The following LINGO2 variants were observed in gnomAD, a reference collection of about 807,000 sequenced individuals.
LINGO2 encodes leucine-rich repeat and immunoglobulin-like domain-containing nogo receptor-interacting protein 2.
A neutral mutation model predicts 30.6 loss-of-function variants in LINGO2; 14 were observed. That is an observed-to-expected ratio of 0.46 (90% CI 0.30 to 0.72). LINGO2 has a LOEUF of 0.72. LINGO2 is among the 30% of genes least tolerant of loss of function. The pLI is 0.07. For synonymous variants in LINGO2, 317 were observed against 288.5 expected (o/e 1.10, Z -1.00); for missense variants, 729 against 751.7 (o/e 0.97, Z 0.35).
the LINGO2 span, among the ~76,000 whole-genome samples, chr9:28,813,826 A>T: frequency 6.6e-6 from 1 of 152,234 alleles, no homozygotes; most frequent in Non-Finnish European, 1.5e-5. Flanking sequence ...GGATCTAGCC[A>T]TGCAAAGGGT....
At chr9:27,950,743 G>A in intron 5 of LINGO2, 37 bp from the exon 7 acceptor site, 1 of 1,259,360 alleles carries the variant, frequency 7.9e-7, no homozygotes, top group Non-Finnish European at 1.1e-6. Context: ...GGAAGAGAAG[G>A]TGAGTTAGGA....
At chr9:28,856,692 A>G in the LINGO2 span, among the ~76,000 whole-genome samples, 20 of 152,036 alleles carry the variant, frequency 1.3e-4, no homozygotes, top group Non-Finnish European at 2.1e-4. Context: ...AGGTCACATA[A>G]AAGATTTTGG....
chr9:28,936,539 T>G, the LINGO2 span, among the ~76,000 whole-genome samples: 2 of 152,338 alleles, frequency 1.3e-5, no homozygotes, highest in East Asian at 3.9e-4. Context: ...AAGCTCTTTG[T>G]GGAGAGTCAC....
At chr9:28,714,671 C>T in the LINGO2 span, among the ~76,000 whole-genome samples, 2,687 of 152,218 alleles carry the variant, frequency 0.018, 46 homozygotes, top group Non-Finnish European at 0.024. Context: ...TCTATTACAA[C>T]AGCTAGCGTT....
At chr9:29,020,291 C>T in the LINGO2 span, among the ~76,000 whole-genome samples, 7 of 152,244 alleles carry the variant, frequency 4.6e-5, no homozygotes, top group Non-Finnish European at 7.4e-5. Flanking sequence ...AAACCAAACA[C>T]GATATACCAC....
At chr9:28,406,309 G>A (rs1408266188) in intron 2 of LINGO2, among the ~76,000 whole-genome samples, 1 of 131,298 alleles carries the variant, frequency 7.6e-6, no homozygotes, top group Non-Finnish European at 1.6e-5. Context: ...GGTGGTGTAC[G>A]CCTGTAGTTT....
chr9:28,557,063 T>A (rs1450126830), intron 1 of LINGO2, among the ~76,000 whole-genome samples: 2 of 151,836 alleles, frequency 1.3e-5, no homozygotes, highest in African/African-American at 4.8e-5. Flanking sequence ...AACCTAGGCA[T>A]TACCATTCAG....
intron 1 of LINGO2, among the ~76,000 whole-genome samples, chr9:28,499,365 G>C (rs1302968651): frequency 1.3e-5 from 2 of 152,142 alleles, no homozygotes; most frequent in Non-Finnish European, 2.9e-5. Flanking sequence ...GAATAGACCT[G>C]ATAAAGTCTT....
chr9:28,905,161 A>C, the LINGO2 span, among the ~76,000 whole-genome samples: 1 of 152,092 alleles, frequency 6.6e-6, no homozygotes, highest in African/African-American at 2.4e-5. Context: ...TAAGATCTTA[A>C]ATATAAAACT....
the LINGO2 span, among the ~76,000 whole-genome samples, chr9:29,021,746 A>C: frequency 2.7e-4 from 40 of 149,996 alleles, no homozygotes; most frequent in African/African-American, 9.1e-4. Context: ...GGAAGGAAGG[A>C]AAGCATTGAC....
At chr9:28,848,342 G>A in the LINGO2 span, among the ~76,000 whole-genome samples, 3 of 104,760 alleles carry the variant, frequency 2.9e-5, no homozygotes, top group South Asian at 8.5e-4. Context: ...CATATATAGT[G>A]TATATATATA....
At chr9:28,447,385 T>TTCC (rs1824466062) in intron 2 of LINGO2, among the ~76,000 whole-genome samples, 3 of 152,174 alleles carry the variant, frequency 2.0e-5, no homozygotes, top group African/African-American at 4.8e-5. Context: ...AACTAGAAGG[T>TTCC]ACCATGTGCG....
chr9:28,215,502 T>C (rs1820734368), intron 4 of LINGO2, among the ~76,000 whole-genome samples: 1 of 151,832 alleles, frequency 6.6e-6, no homozygotes, highest in Non-Finnish European at 1.5e-5. Context: ...AAAAAAGCAT[T>C]CATTGTGGTG....
chr9:28,331,045 C>T (rs1825400972), intron 3 of LINGO2, among the ~76,000 whole-genome samples: 1 of 151,848 alleles, frequency 6.6e-6, no homozygotes, highest in Admixed American at 6.6e-5. Flanking sequence ...GTTTTAAAAA[C>T]AATGTTTCAA....
the LINGO2 span, among the ~76,000 whole-genome samples, chr9:28,899,599 C>G: frequency 6.6e-6 from 1 of 152,226 alleles, no homozygotes; most frequent in South Asian, 2.1e-4. Flanking sequence ...GCTGCCATGC[C>G]ATGCCCTGAA....
intron 4 of LINGO2, among the ~76,000 whole-genome samples, chr9:28,018,607 A>T (rs1300730256): frequency 1.3e-5 from 2 of 152,188 alleles, no homozygotes; most frequent in East Asian, 3.8e-4. Context: ...AGCATCGCTA[A>T]TCACTGGGGA....
chr9:28,988,253 G>T, the LINGO2 span, among the ~76,000 whole-genome samples: 1 of 152,010 alleles, frequency 6.6e-6, no homozygotes, highest in East Asian at 1.9e-4. Context: ...ATACTTTCCT[G>T]ATTACTTCAT....
intron 1 of LINGO2, among the ~76,000 whole-genome samples, chr9:28,636,789 T>G (rs190138234): frequency 0.01 from 1,551 of 152,172 alleles, 29 homozygotes; most frequent in African/African-American, 0.035. Flanking sequence ...CACTCTGATG[T>G]TAGTTTCTTT....
chr9:28,979,818 T>C, the LINGO2 span, among the ~76,000 whole-genome samples: 2 of 152,174 alleles, frequency 1.3e-5, no homozygotes, highest in African/African-American at 2.4e-5. Context: ...CTAATTTAAA[T>C]AATATATCGC....
Sources: allele counts gnomAD v4.1 joint callset (sites outside exome capture counted in the v4.1 genomes callset), GRCh38; gene constraint gnomAD v4.1.1; transcripts MANE v1.5; gene names NCBI Gene and HGNC (gene_info 2026-07-23, HGNC 2026-07-21).